SYT13: variants seen among roughly 807,000 people sequenced by gnomAD.
SYT13 encodes synaptotagmin-13.
Under a neutral mutation model 38.6 loss-of-function variants are expected in SYT13, and 21 were observed. The observed-to-expected ratio is 0.54, with a 90% confidence interval of 0.39 to 0.78. The LOEUF (loss-of-function observed/expected upper bound fraction) is 0.78. SYT13 is among the 30% of genes least tolerant of loss of function. The pLI is 0.00. For missense variants in SYT13, 495 were observed against 548.7 expected, an observed-to-expected ratio of 0.90 and a Z score of 0.98; for synonymous variants, 241 against 237.6, an observed-to-expected ratio of 1.01 and a Z score of -0.13.
chr11:45,283,523 G>C lies in SYT13; in HGVS notation c.183+2502C>G, dbSNP rs371757103. On this transcript the variant is annotated intron_variant, in intron 1 of 5. Transcript: ENST00000020926. ...ACTTGCTTTGAAATGTCAATTGGTT[G>C]TCTTTTCTCTATTTACTTCATCTGG... Among the ~76,000 whole-genome samples, 27 of 152,320 alleles carry C rather than the reference G, an allele frequency of 1.8e-4. No homozygotes were observed. The East Asian group carries it at 2.9e-3, about 16-fold the overall frequency.
At chr11:45,274,857 C>T (rs1007411146) in intron 1 of SYT13, among the ~76,000 whole-genome samples, 1 of 152,194 alleles carries the variant, frequency 6.6e-6, no homozygotes, top group African/African-American at 2.4e-5. Context: ...TTATAATGCT[C>T]TTCCAAATAA....
intron 1 of SYT13, among the ~76,000 whole-genome samples, chr11:45,277,981 C>T (rs770210719): frequency 2.6e-5 from 4 of 152,216 alleles, no homozygotes; most frequent in Non-Finnish European, 5.9e-5. Flanking sequence ...TGTATCCTCA[C>T]TTCCTAGCAC....
chr11:45,252,595 G>T lies in SYT13; in HGVS notation c.672C>A (p.Gly224=). 6.2e-7 allele frequency: 1 copy of T among 1,614,140 alleles called. No homozygotes were observed. The highest frequency in any genetic ancestry group is 8.5e-7 in the Non-Finnish European group (1 of 1,180,012). Residue 224 remains glycine (G), a synonymous_variant, in exon 4 of 6, where the codon GGC becomes GGA. Transcript: ENST00000020926. The surrounding 1 kb of genome is among the most constrained non-coding windows in gnomAD (Gnocchi z 4.3). ...CCTCCTCCGCCAGGGGGAGCACCAG[G>T]CCCTCCTCCCAGGTGGTGTGCAGCT... is the stretch of plus-strand genomic sequence containing the variant. The part of the protein sequence containing the change: ...KRQLHTTWEE[G]LVLPLAEEEL...
At position 45,242,772 on chromosome 11, in the gene SYT13, C is replaced by T. The variant is rs1296970617; in HGVS notation, c.*1280G>A. 1 of 151,918 alleles carries T rather than the reference C, an allele frequency of 6.6e-6. No individual in the cohort carries two copies. Among genetic ancestry groups the T allele is most frequent in the African/African-American group, 2.4e-5 (1 of 41,304 alleles). The allele number at this position is 151,918 out of a possible 1,614,324, so 9.4% of individuals were successfully genotyped here. Reference sequence around the variant, plus strand: ...TGAAGGGCAATGTCAACAACAGAACCCAGGAATCCTGGTTCAGGTGTAAGT... The same window carrying T: ...TGAAGGGCAATGTCAACAACAGAACTCAGGAATCCTGGTTCAGGTGTAAGT... On this transcript the variant is annotated 3_prime_UTR_variant, in exon 6 of 6. Transcript: ENST00000020926.
chr11:45,251,327 T>TGCA (rs1236772634), intron 4 of SYT13, among the ~76,000 whole-genome samples: 2 of 137,950 alleles, frequency 1.4e-5, no homozygotes, highest in Admixed American at 8.1e-5. Context: ...AGGCAGAGGT[T>TGCA]GCAGTGAGCC....
Position 45,243,998 on chromosome 11 carries a change from G to A in SYT13, c.*54C>T, listed in dbSNP as rs1033931006. 2.1e-5 allele frequency: 32 copies of A among 1,513,266 alleles called. No homozygotes were observed. The highest frequency in any genetic ancestry group is 2.5e-5 in the South Asian group (2 of 78,680). The allele number at this position is 1,513,266 out of a possible 1,614,324, so 93.7% of individuals were successfully genotyped here. On this transcript the variant is annotated 3_prime_UTR_variant, in exon 6 of 6. Transcript: ENST00000020926. ...AATGAGGAAAGGGGCACAGAAAGGAGGTTGCAGAGGACGGGTCAGGGCTGT... is the reference window on the plus strand; with the variant it reads ...AATGAGGAAAGGGGCACAGAAAGGAAGTTGCAGAGGACGGGTCAGGGCTGT...
chr11:45,258,159 G>T (rs1590516376), intron 1 of SYT13, among the ~76,000 whole-genome samples: 2 of 152,164 alleles, frequency 1.3e-5, no homozygotes, highest in Non-Finnish European at 2.9e-5. Flanking sequence ...GATCAGCCTG[G>T]CCCAAAGCCC....
At chr11:45,247,858 T>A (rs1008732607) in intron 4 of SYT13, among the ~76,000 whole-genome samples, 2 of 152,138 alleles carry the variant, frequency 1.3e-5, no homozygotes, top group African/African-American at 4.8e-5. Flanking sequence ...ATATATAACA[T>A]CGGGCAGCAT....
chr11:45,260,826 C>G (rs1473118515), intron 1 of SYT13, among the ~76,000 whole-genome samples: 1 of 152,156 alleles, frequency 6.6e-6, no homozygotes, highest in Non-Finnish European at 1.5e-5. Flanking sequence ...CTGCTTGCTC[C>G]CCCCACTGTG....
intron 1 of SYT13, among the ~76,000 whole-genome samples, chr11:45,283,625 T>C (rs1565400909): frequency 2.0e-5 from 3 of 152,218 alleles, no homozygotes; most frequent in Admixed American, 1.3e-4. Context: ...TTCACACCCA[T>C]AGATTCAGCC....
chr11:45,264,606 G>A (rs1854860117), intron 1 of SYT13, among the ~76,000 whole-genome samples: 1 of 152,152 alleles, frequency 6.6e-6, no homozygotes, highest in South Asian at 2.1e-4. Flanking sequence ...CTTGACCACA[G>A]CCTGGCAGAG....
chr11:45,261,924 A>AC (rs1854822167), intron 1 of SYT13, among the ~76,000 whole-genome samples: 1 of 151,938 alleles, frequency 6.6e-6, no homozygotes, highest in Non-Finnish European at 1.5e-5. Flanking sequence ...TCAAAAAAAA[A>AC]AAAAAAGAAT....
chr11:45,286,139 C>A lies in SYT13; in HGVS notation c.69G>T (p.Leu23Phe), dbSNP rs1234880690. 1 of 1,596,128 alleles carries A rather than the reference C, an allele frequency of 6.3e-7. No individual in the cohort carries two copies. Among genetic ancestry groups the A allele is most frequent in the African/African-American group, 1.3e-5 (1 of 75,004 alleles). ...GCCGACACAGGCAGGTGACCCCGCA[C>A]AACGCGAGGATGCTGGTGGCTGTGC... is the stretch of plus-strand genomic sequence containing the variant. ...TLGTATSILALCGVTCLCRHM... is the reference protein window; with the variant it reads ...TLGTATSILAFCGVTCLCRHM... Residue 23 changes from leucine to phenylalanine, a missense_variant, in exon 1 of 6, where the codon TTG (leucine) becomes TTT (phenylalanine). Physicochemically the swap from Leu to Phe is conservative, Grantham distance 22. Transcript: ENST00000020926.
chr11:45,247,895 C>T (rs1193712477), intron 4 of SYT13, among the ~76,000 whole-genome samples: 1 of 152,164 alleles, frequency 6.6e-6, no homozygotes, highest in Non-Finnish European at 1.5e-5. Context: ...ATATAGATAT[C>T]AGAGGATGAA....
At chr11:45,264,132 AAAACT>A (rs1854853483) in intron 1 of SYT13, among the ~76,000 whole-genome samples, 1 of 152,190 alleles carries the variant, frequency 6.6e-6, no homozygotes, top group African/African-American at 2.4e-5. Context: ...GCATTACAAC[AAAACT>A]AAACTAAGCT....
At chr11:45,274,167 T>C (rs960435558) in intron 1 of SYT13, among the ~76,000 whole-genome samples, 2 of 152,204 alleles carry the variant, frequency 1.3e-5, no homozygotes, top group African/African-American at 2.4e-5. Context: ...TCTGAGTTAA[T>C]TTTTTCTTTC....
intron 5 of SYT13, among the ~76,000 whole-genome samples, chr11:45,245,253 T>G (rs1297019681): frequency 6.6e-6 from 1 of 152,216 alleles, no homozygotes; most frequent in Non-Finnish European, 1.5e-5. Context: ...AAGGCTGGAC[T>G]GGATTACTTA....
At chr11:45,259,605 C>T (rs748939583) in intron 1 of SYT13, among the ~76,000 whole-genome samples, 31 of 152,152 alleles carry the variant, frequency 2.0e-4, no homozygotes, top group Non-Finnish European at 3.2e-4. Flanking sequence ...ATTCCCTCTC[C>T]CATCTACCCG....
At chr11:45,249,121 C>T (rs865950788) in intron 4 of SYT13, among the ~76,000 whole-genome samples, 2 of 152,204 alleles carry the variant, frequency 1.3e-5, no homozygotes, top group Non-Finnish European at 2.9e-5. Context: ...CAAAAGAAGA[C>T]ATTTATGCAG....
Sources: gnomAD v4.1 joint callset for allele counts (sites outside exome capture counted in the v4.1 genomes callset) on GRCh38, gnomAD v4.1.1 for gene constraint, Gnocchi (gnomAD v3.1) non-coding constraint, MANE v1.5 for transcripts, NCBI Gene and HGNC (gene_info 2026-07-23, HGNC 2026-07-21) for gene names.